The following DTHD1 variants were observed in gnomAD, a reference collection of about 807,000 sequenced individuals.
DTHD1 encodes the protein death domain containing 1.
In DTHD1, 59 loss-of-function variants were observed where a neutral mutation model predicts 74.8. The ratio of observed to expected loss-of-function variants is 0.79; its 90% CI spans 0.64 to 0.98. The LOEUF (loss-of-function observed/expected upper bound fraction) is 0.98. Among genes scored for constraint, DTHD1 ranks in the 50% least tolerant of loss-of-function variants. DTHD1 has a pLI of 0.00. For synonymous variants in DTHD1, 365 were observed against 371.1 expected, an observed-to-expected ratio of 0.98 and a Z score of 0.19; for missense variants, 1,051 against 1,065.4, an observed-to-expected ratio of 0.99 and a Z score of 0.19.
chr4:36,341,081 G>A (rs2109581856), intron 9 of DTHD1, among the ~76,000 whole-genome samples: 1 of 152,280 alleles, frequency 6.6e-6, no homozygotes, highest in African/African-American at 2.4e-5. Flanking sequence ...TTCAACAGAG[G>A]TTTGAAGAAG....
intron 8 of DTHD1, among the ~76,000 whole-genome samples, chr4:36,328,500 G>GCACA (rs1758485704): frequency 6.8e-6 from 1 of 147,178 alleles, no homozygotes. Context: ...GCATGCCTGT[G>GCACA]GGCATGCACG....
intron 2 of DTHD1, among the ~76,000 whole-genome samples, chr4:36,286,599 C>T (rs183372282): frequency 2.6e-5 from 4 of 152,266 alleles, no homozygotes; most frequent in African/African-American, 7.2e-5. Flanking sequence ...TTACAGTCAT[C>T]GGTTACTTAA....
chr4:36,314,753 T>G (rs1359862688), intron 7 of DTHD1, among the ~76,000 whole-genome samples: 1 of 132,678 alleles, frequency 7.5e-6, no homozygotes, highest in Non-Finnish European at 1.7e-5. Flanking sequence ...CTGAGTTTTT[T>G]TTTTTTTTTT....
chr4:36,343,658 T>C lies in DTHD1; in HGVS notation c.2555T>C (p.Leu852Pro). ...DDLTEQIHEF[L>P]CFWKKSLPTF... ...CTCACAGAACAGATCCACGAGTTTC[T>C]TTGCTTCTGGAAAAAATCGCTTCCA... The change falls in exon 10 of 10, where the codon CTT becomes CCT. Residue 852 changes from leucine (L) to proline (P), a missense_variant. Leu to Pro is a moderately conservative substitution (Grantham distance 98). Coordinates refer to ENST00000639862, the MANE Select transcript of DTHD1 (RefSeq NM_001170700.3). 2 of 1,551,858 alleles carry C rather than the reference T, an allele frequency of 1.3e-6. No homozygotes were observed. Among genetic ancestry groups the C allele is most frequent in the South Asian group, 1.2e-5 (1 of 84,062 alleles).
intron 8 of DTHD1, among the ~76,000 whole-genome samples, chr4:36,318,616 T>TC (rs1217592179): frequency 6.3e-4 from 88 of 139,922 alleles, no homozygotes; most frequent in African/African-American, 1.3e-3. Context: ...TCTTTTCTTT[T>TC]TTTTTTTTTT....
At chr4:36,343,396 C>A in intron 9 of DTHD1, 106 bp from the exon 10 acceptor site, 1 of 1,128,858 alleles carries the variant, frequency 8.9e-7, no homozygotes. Context: ...GCTCCAAGGC[C>A]AAACAAAAGA....
intron 8 of DTHD1, among the ~76,000 whole-genome samples, chr4:36,334,348 AT>A (rs1193554791): frequency 2.5e-5 from 3 of 120,084 alleles, no homozygotes; most frequent in Non-Finnish European, 3.3e-5. Context: ...GCCTACTTTT[AT>A]TTTTTTTGGT....
intron 8 of DTHD1, among the ~76,000 whole-genome samples, chr4:36,324,681 C>T (rs541682840): frequency 2.6e-5 from 4 of 151,962 alleles, no homozygotes; most frequent in Non-Finnish European, 5.9e-5. Context: ...ATAGTAGAAG[C>T]CAAAATTCTA....
chr4:36,338,680 CT>C (rs1364903928), intron 8 of DTHD1, among the ~76,000 whole-genome samples: 1 of 152,008 alleles, frequency 6.6e-6, no homozygotes, highest in African/African-American at 2.4e-5. Context: ...AATATCTGCA[CT>C]CTGATTTGAT....
intron 8 of DTHD1, chr4:36,333,444 A>G (rs933496429): frequency 2.0e-5 from 3 of 152,170 alleles, no homozygotes; most frequent in Non-Finnish European, 2.9e-5. Flanking sequence ...ATGTGACATG[A>G]GGGGTAGGAA....
chr4:36,337,572 A>G (rs1476431139), intron 8 of DTHD1, among the ~76,000 whole-genome samples: 1 of 152,238 alleles, frequency 6.6e-6, no homozygotes, highest in Non-Finnish European at 1.5e-5. Context: ...TCAGGGGTTC[A>G]AACACATAGT....
chr4:36,313,823 G>A (rs1410008273), intron 7 of DTHD1, among the ~76,000 whole-genome samples: 2 of 152,146 alleles, frequency 1.3e-5, no homozygotes, highest in East Asian at 1.9e-4. Context: ...AGGGATAGAA[G>A]GGGAAATTTA....
chr4:36,345,849 G>A lies in DTHD1; in HGVS notation c.*2025G>A, dbSNP rs534841798. The A allele has an allele frequency of 4.6e-5, 7 of 151,696 alleles. No individual in the cohort carries two copies. Among genetic ancestry groups the A allele is most frequent in the South Asian group, 4.2e-4 (2 of 4,772 alleles). 9.4% of individuals were successfully genotyped at this position (151,696 alleles called of 1,614,324 possible). A position where few individuals can be genotyped will look rare whatever the true frequency, so the allele number is the denominator to read the frequency against. On this transcript the variant is annotated 3_prime_UTR_variant, in exon 10 of 10. Transcript: ENST00000639862. ...GGAAGAAAATATTTCTATTTCTATCGGTATAGATGTATCTAAGGACACTCA... is the reference window on the plus strand; with the variant it reads ...GGAAGAAAATATTTCTATTTCTATCAGTATAGATGTATCTAAGGACACTCA...
Position 36,316,466 on chromosome 4 carries a change from T to C in DTHD1, c.2320T>C (p.Leu774=). ...ENHSQLPICK[L]PLKLPKHKKL... is the part of the protein sequence containing the mutation. ...CCATTCTCAGTTGCCAATTTGCAAA[T>C]TACCATTGAAATTGCCAAAGGTGAG... Residue 774 remains leucine, a synonymous_variant, in exon 8 of 10, where the codon TTA becomes CTA. Transcript: ENST00000639862. 2 of 1,549,254 alleles carry C rather than the reference T, an allele frequency of 1.3e-6. No homozygotes were observed. Among genetic ancestry groups the C allele is most frequent in the Non-Finnish European group, 1.7e-6 (2 of 1,146,440 alleles).
At chr4:36,315,638 G>A (rs1009091022) in intron 7 of DTHD1, 1 of 152,160 alleles carries the variant, frequency 6.6e-6, no homozygotes, top group Non-Finnish European at 1.5e-5. Context: ...AATTCTCAAC[G>A]GGTGAAAATA....
intron 8 of DTHD1, among the ~76,000 whole-genome samples, chr4:36,328,350 GC>G (rs1758469392): frequency 6.6e-6 from 1 of 152,084 alleles, no homozygotes; most frequent in African/African-American, 2.4e-5. Context: ...AAACGTTTCT[GC>G]CTAGGTTTTC....
chr4:36,326,588 G>T (rs1007802023), intron 8 of DTHD1, among the ~76,000 whole-genome samples: 8 of 152,170 alleles, frequency 5.3e-5, no homozygotes, highest in Admixed American at 3.9e-4. Context: ...AGTTCCTCAG[G>T]GTTGAGAGCA....
At chr4:36,313,417 G>GGA (rs1757512671) in intron 7 of DTHD1, among the ~76,000 whole-genome samples, 1 of 144,316 alleles carries the variant, frequency 6.9e-6, no homozygotes, top group Non-Finnish European at 1.5e-5. Flanking sequence ...AGTGAGGGAG[G>GGA]AAAAAAAAAA....
At chr4:36,328,932 C>CTA (rs1244185716) in intron 8 of DTHD1, among the ~76,000 whole-genome samples, 5 of 152,178 alleles carry the variant, frequency 3.3e-5, no homozygotes, top group Admixed American at 6.5e-5. Flanking sequence ...CTGATGTAGG[C>CTA]CCTGTCATTT....
Sources: allele counts gnomAD v4.1 joint callset (sites outside exome capture counted in the v4.1 genomes callset), GRCh38; gene constraint gnomAD v4.1.1; transcripts MANE v1.5; gene names NCBI Gene and HGNC (gene_info 2026-07-23, HGNC 2026-07-21).